The following PTPRD variants were observed in gnomAD, a reference collection of about 807,000 sequenced individuals.
PTPRD encodes protein tyrosine phosphatase receptor type D, also known as receptor-type tyrosine-protein phosphatase delta.
A neutral mutation model predicts 214.5 loss-of-function variants in PTPRD; 34 were observed. The ratio of observed to expected loss-of-function variants is 0.16; its 90% CI spans 0.12 to 0.21. The LOEUF (loss-of-function observed/expected upper bound fraction) is 0.21, where lower values mean the gene tolerates loss of function less well. PTPRD is among the 10% of genes least tolerant of loss of function. The pLI, the probability that PTPRD is intolerant of heterozygous loss-of-function variation, is 1.00. For synonymous variants in PTPRD, 1,128 were observed against 845.7 expected, an observed-to-expected ratio of 1.33 and a Z score of -5.79; for missense variants, 2,545 against 2,398.7, an observed-to-expected ratio of 1.06 and a Z score of -1.27.
At chr9:10,168,698 A>G (rs752963137) in intron 3 of PTPRD, among the ~76,000 whole-genome samples, 1 of 152,198 alleles carries the variant, frequency 6.6e-6, no homozygotes, top group Admixed American at 6.5e-5. Flanking sequence ...TAGATCTGTC[A>G]CTCACTAATT....
intron 2 of PTPRD, among the ~76,000 whole-genome samples, chr9:10,497,586 A>G (rs557378462): frequency 6.6e-6 from 1 of 152,200 alleles, no homozygotes; most frequent in African/African-American, 2.4e-5. Context: ...TTTTTAGAAT[A>G]TTCTTTAATG....
intron 2 of PTPRD, among the ~76,000 whole-genome samples, chr9:10,399,337 A>G (rs1208774187): frequency 6.6e-6 from 1 of 151,974 alleles, no homozygotes; most frequent in Non-Finnish European, 1.5e-5. Flanking sequence ...CTTTGAAAGC[A>G]TAGACGCTCT....
intron 8 of PTPRD, among the ~76,000 whole-genome samples, chr9:9,509,112 A>G (rs761515967): frequency 1.1e-4 from 16 of 151,762 alleles, no homozygotes; most frequent in Non-Finnish European, 2.1e-4. Context: ...AAGTTTAAAC[A>G]TTAGCAAGCT....
At chr9:10,575,897 T>G (rs1030521146) in intron 2 of PTPRD, among the ~76,000 whole-genome samples, 1 of 152,168 alleles carries the variant, frequency 6.6e-6, no homozygotes, top group East Asian at 1.9e-4. Flanking sequence ...CCTGGGAAGA[T>G]GGAGAATCTC....
rs142076235 is a variant in PTPRD, at chr9:9,937,668, T to C, written c.-368+839A>G. The stretch of plus-strand genomic sequence containing the variant: ...TTACATGTTTCTTGTATCTATTTTA[T>C]AGCATTTGTCCTAGTACTGTTGATG... On this transcript the variant is annotated intron_variant, in intron 5 of 45. Coordinates refer to ENST00000381196, the MANE Select transcript of PTPRD (RefSeq NM_002839.4). Among the ~76,000 whole-genome samples the C allele has an allele frequency of 4.0e-4, 61 of 152,292 alleles. No individual in the cohort carries two copies. In the East Asian group the frequency reaches 5.6e-3, roughly 14 times the overall value.
intron 7 of PTPRD, among the ~76,000 whole-genome samples, chr9:9,722,429 A>G (rs1018172482): frequency 1.3e-5 from 2 of 152,110 alleles, no homozygotes; most frequent in Admixed American, 6.6e-5. Context: ...GAAAAATAGC[A>G]TTGTAAAATC....
chr9:10,111,229 CTTTTTTTTTTTTTTTTTTT>C (rs34045121), intron 3 of PTPRD, among the ~76,000 whole-genome samples: 9 of 72,152 alleles, frequency 1.2e-4, no homozygotes, highest in Non-Finnish European at 9.8e-5. Flanking sequence ...AGTTTAGTTT[CTTTTTTTTTTTTTTTTTTT>C]TTTTTTTTGA....
intron 11 of PTPRD, among the ~76,000 whole-genome samples, chr9:8,847,347 T>C (rs185812170): frequency 2.6e-5 from 4 of 152,102 alleles, no homozygotes. Flanking sequence ...TGTGTATTGA[T>C]AACCTAACTA....
At chr9:8,816,535 T>G (rs568309160) in intron 11 of PTPRD, among the ~76,000 whole-genome samples, 1 of 152,328 alleles carries the variant, frequency 6.6e-6, no homozygotes, top group Admixed American at 6.5e-5. Context: ...GAAATCATTC[T>G]TCCATGCAAC....
At chr9:10,429,477 G>T (rs1429570742) in intron 2 of PTPRD, among the ~76,000 whole-genome samples, 2 of 151,926 alleles carry the variant, frequency 1.3e-5, no homozygotes, top group South Asian at 4.1e-4. Flanking sequence ...TATATGCACA[G>T]TAAGATACTA....
intron 9 of PTPRD, among the ~76,000 whole-genome samples, chr9:9,188,124 G>T (rs59096850): frequency 6.6e-6 from 1 of 151,776 alleles, no homozygotes; most frequent in Non-Finnish European, 1.5e-5. Flanking sequence ...TATGGTTTAG[G>T]GTTGCCTTGA....
At chr9:10,058,733 G>A (rs12348234) in intron 3 of PTPRD, among the ~76,000 whole-genome samples, 1 of 152,006 alleles carries the variant, frequency 6.6e-6, no homozygotes, top group East Asian at 1.9e-4. Flanking sequence ...AGGTCCATAA[G>A]TTTGCAATAC....
intron 12 of PTPRD, among the ~76,000 whole-genome samples, chr9:8,710,774 CT>C (rs2098316562): frequency 6.6e-6 from 1 of 151,954 alleles, no homozygotes; most frequent in African/African-American, 2.4e-5. Flanking sequence ...TTAGATAAGT[CT>C]TATTAAAAAG....
chr9:8,376,238 A>G (rs2083206856), intron 38 of PTPRD, 148 bp from the exon 39 acceptor site: 5 of 935,394 alleles, frequency 5.3e-6, no homozygotes, highest in Admixed American at 2.9e-5. Context: ...CTTTGGAAAT[A>G]GAAACCCCAA....
intron 9 of PTPRD, among the ~76,000 whole-genome samples, chr9:9,385,010 A>AT (rs2063463866): frequency 6.6e-6 from 1 of 152,178 alleles, no homozygotes; most frequent in South Asian, 2.1e-4. Context: ...AAGTATTTAT[A>AT]TTTTTTCTAT....
Position 10,160,837 on chromosome 9 carries a change from T to A in PTPRD, c.-544-127047A>T, listed in dbSNP as rs2099123148. On this transcript the variant is annotated intron_variant, in intron 3 of 45. Transcript: ENST00000381196. ...TACCTAGAAAAACCTGAAGACAACA[T>A]AAAACAAAGTTAGAACTGATAAATT... Among the ~76,000 whole-genome samples, 4 of 151,918 alleles carry A rather than the reference T, an allele frequency of 2.6e-5. No individual in the cohort carries two copies. In the South Asian group the frequency reaches 8.3e-4, roughly 31 times the overall value.
chr9:10,303,352 G>C (rs144890425), intron 3 of PTPRD, among the ~76,000 whole-genome samples: 2 of 151,838 alleles, frequency 1.3e-5, no homozygotes, highest in Non-Finnish European at 2.9e-5. Context: ...TTAAAAGAAC[G>C]AGTGAAGCAA....
chr9:9,269,857 G>C (rs1187323862), intron 9 of PTPRD, among the ~76,000 whole-genome samples: 1 of 151,274 alleles, frequency 6.6e-6, no homozygotes, highest in African/African-American at 2.4e-5. Flanking sequence ...GTTGGGGGTG[G>C]TTGGGGAAAC....
chr9:9,766,973 A>G (rs1370798781), intron 5 of PTPRD, 122 bp from the exon 6 acceptor site: 1 of 152,144 alleles, frequency 6.6e-6, no homozygotes, highest in African/African-American at 2.4e-5. Flanking sequence ...CATATTGTGT[A>G]TCTTCCCATT....
Sources: allele counts gnomAD v4.1 joint callset (sites outside exome capture counted in the v4.1 genomes callset), GRCh38; gene constraint gnomAD v4.1.1; transcripts MANE v1.5; gene names NCBI Gene and HGNC (gene_info 2026-07-23, HGNC 2026-07-21).